Variants in LPCAT2 observed in about 807,000 individuals in gnomAD.
LPCAT2 encodes the protein lysophosphatidylcholine acyltransferase 2, also known as 1-AGP acyltransferase 11.
In LPCAT2, 58 loss-of-function variants were observed where a neutral mutation model predicts 64.7. The observed-to-expected ratio is 0.90, with a 90% confidence interval of 0.73 to 1.12. LPCAT2 has a LOEUF of 1.12. LPCAT2 is among the 50% of genes most tolerant of loss of function. The pLI is 0.00. For missense variants in LPCAT2, 579 were observed against 669.8 expected (o/e 0.86, Z 1.50); for synonymous variants, 252 against 245.3 (o/e 1.03, Z -0.26).
rs952779403 is a variant in LPCAT2 at position 55,552,897 on chromosome 16, C to T, written c.1215+1795C>T. Among the ~76,000 whole-genome samples, 4 of 152,292 alleles carry T rather than the reference C, an allele frequency of 2.6e-5. No individual in the cohort carries two copies. The South Asian group carries it at 6.2e-4, about 24-fold the overall frequency. On this transcript the variant is annotated intron_variant, in intron 11 of 13. Coordinates refer to ENST00000262134, the MANE Select transcript of LPCAT2 (RefSeq NM_017839.5). Reference sequence around the variant, plus strand: ...GTTGTGGCACTTTAAAAAAATAAGACAACAATGAAGTTTGCTGCATTGATA... The same window carrying T: ...GTTGTGGCACTTTAAAAAAATAAGATAACAATGAAGTTTGCTGCATTGATA...
Position 55,547,073 on chromosome 16 carries a change from G to A in LPCAT2, c.935+1256G>A, listed in dbSNP as rs1036703619. ...GAGGCAGGAGAATTGCTGGAACCTGGGAGGCAGAGGTTGCAGTCAGCCAAG... is the reference window on the plus strand; with the variant it reads ...GAGGCAGGAGAATTGCTGGAACCTGAGAGGCAGAGGTTGCAGTCAGCCAAG... On this transcript the variant is annotated intron_variant, in intron 9 of 13. Coordinates refer to ENST00000262134, the MANE Select transcript of LPCAT2 (RefSeq NM_017839.5). Among the ~76,000 whole-genome samples, 16 of 152,104 alleles carry A rather than the reference G, an allele frequency of 1.1e-4. No individual in the cohort carries two copies. In the South Asian group the frequency reaches 3.1e-3, roughly 30 times the overall value.
intron 11 of LPCAT2, chr16:55,566,597 A>G: frequency 1.4e-6 from 1 of 722,404 alleles, no homozygotes; most frequent in Non-Finnish European, 2.2e-6. Flanking sequence ...GAACTCAGGT[A>G]TCTTCAGTAG....
intron 8 of LPCAT2, chr16:55,538,979 G>A (rs1487882664): frequency 6.6e-6 from 1 of 151,922 alleles, no homozygotes; most frequent in Admixed American, 6.6e-5. Flanking sequence ...AGGTAGTCTA[G>A]GCCTGTTTCA....
At position 55,586,625 on chromosome 16, in the gene LPCAT2, T is replaced by C. The variant is rs1179083405; in HGVS notation, c.*3527T>C. 3.9e-5 allele frequency: 6 copies of C among 152,288 alleles called. No homozygotes were observed. Among genetic ancestry groups the C allele is most frequent in the Admixed American group, 2.0e-4 (3 of 15,282 alleles). 9.4% of individuals were successfully genotyped at this position (152,288 alleles called of 1,614,324 possible). On this transcript the variant is annotated 3_prime_UTR_variant, in exon 14 of 14. Transcript: ENST00000262134. ...TTTTTTGGAAATCTGTAACAAGCTA[T>C]GTGTAATCATTCTTCTAATATTAAA...
intron 1 of LPCAT2, among the ~76,000 whole-genome samples, chr16:55,518,541 T>C (rs1204393655): frequency 6.6e-6 from 1 of 152,188 alleles, no homozygotes; most frequent in African/African-American, 2.4e-5. Context: ...ACTGTGAAGC[T>C]ACAGTAATCA....
chr16:55,580,424 T>C (rs546947301), intron 13 of LPCAT2, among the ~76,000 whole-genome samples: 2 of 152,316 alleles, frequency 1.3e-5, no homozygotes, highest in East Asian at 3.9e-4. Flanking sequence ...TGGAAGCTAA[T>C]ACTAAAAATG....
intron 11 of LPCAT2, among the ~76,000 whole-genome samples, chr16:55,562,779 A>C (rs1963650650): frequency 6.6e-6 from 1 of 151,616 alleles, no homozygotes; most frequent in South Asian, 2.1e-4. Flanking sequence ...CGAAATTGAG[A>C]CCCCCAAATG....
chr16:55,581,388 T>C (rs553280243), intron 13 of LPCAT2, among the ~76,000 whole-genome samples: 21 of 152,322 alleles, frequency 1.4e-4, no homozygotes, highest in African/African-American at 5.0e-4. Flanking sequence ...GATTTAGAAA[T>C]AAAAAGTGGT....
chr16:55,555,937 C>T (rs1963569760), intron 11 of LPCAT2, among the ~76,000 whole-genome samples: 1 of 152,190 alleles, frequency 6.6e-6, no homozygotes, highest in Admixed American at 6.5e-5. Flanking sequence ...GCCTCAGCCT[C>T]CCAAGTAGCT....
At chr16:55,534,285 A>ACT (rs1963295547) in intron 6 of LPCAT2, among the ~76,000 whole-genome samples, 158 bp from the exon 7 acceptor site, 1 of 152,144 alleles carries the variant, frequency 6.6e-6, no homozygotes, top group Non-Finnish European at 1.5e-5. Context: ...TTCATAGATC[A>ACT]GTTCACTGTT....
chr16:55,527,811 T>C (rs1218932991), intron 2 of LPCAT2, among the ~76,000 whole-genome samples: 1 of 152,230 alleles, frequency 6.6e-6, no homozygotes, highest in East Asian at 1.9e-4. Context: ...GTTGATGATA[T>C]CTAAAAACTG....
chr16:55,529,315 T>A (rs898723599), intron 3 of LPCAT2, among the ~76,000 whole-genome samples: 2 of 152,042 alleles, frequency 1.3e-5, no homozygotes, highest in African/African-American at 4.8e-5. Flanking sequence ...ATTTTTTTTT[T>A]AATGTAACTA....
At position 55,579,225 on chromosome 16, in the gene LPCAT2, A is replaced by T. The variant is rs747796212; in HGVS notation, c.1431A>T (p.Gln477His). 6.2e-7 allele frequency: 1 copy of T among 1,612,994 alleles called. No individual in the cohort carries two copies. Among genetic ancestry groups the T allele is most frequent in the Non-Finnish European group, 8.5e-7 (1 of 1,179,430 alleles). The change falls in exon 13 of 14, where the codon CAA becomes CAT. Residue 477 changes from glutamine to histidine, a missense_variant. Physicochemically the swap from Gln to His is conservative, Grantham distance 24. Transcript: ENST00000262134. ...CTGGTCTCTTCAAGGAAATAGCCCA[A>T]GGGGACTCAATTTCCTATGGTGAGT... is the stretch of plus-strand genomic sequence containing the variant. Reference protein sequence around the residue: ...DVSGLFKEIAQGDSISYEEFK... With the variant: ...DVSGLFKEIAHGDSISYEEFK...
chr16:55,561,495 C>A (rs1427136025), intron 11 of LPCAT2, among the ~76,000 whole-genome samples: 1 of 151,042 alleles, frequency 6.6e-6, no homozygotes, highest in Non-Finnish European at 1.5e-5. Flanking sequence ...GCTTGTTAAT[C>A]TAATAATAGT....
At chr16:55,578,364 C>T (rs542607545) in intron 12 of LPCAT2, among the ~76,000 whole-genome samples, 65 of 152,238 alleles carry the variant, frequency 4.3e-4, no homozygotes, top group African/African-American at 1.2e-3. Flanking sequence ...TCTCATTTGG[C>T]GCTTGTTCTG....
chr16:55,572,299 G>T (rs1157055878), intron 11 of LPCAT2, among the ~76,000 whole-genome samples: 1 of 152,104 alleles, frequency 6.6e-6, no homozygotes, highest in Non-Finnish European at 1.5e-5. Context: ...TCACAATAAA[G>T]ATACAACATA....
At chr16:55,555,553 G>A (rs1501997) in intron 11 of LPCAT2, among the ~76,000 whole-genome samples, 13,267 of 152,160 alleles carry the variant, frequency 0.087, 822 homozygotes, top group African/African-American at 0.17. Flanking sequence ...TTTGATGACC[G>A]AAATAACCAG....
At chr16:55,521,957 A>G (rs184910687) in intron 1 of LPCAT2, among the ~76,000 whole-genome samples, 1 of 151,872 alleles carries the variant, frequency 6.6e-6, no homozygotes, top group East Asian at 1.9e-4. Context: ...CTTGTTCACC[A>G]CTTCTGTTCA....
At chr16:55,537,038 C>T (rs2142387399) in intron 7 of LPCAT2, among the ~76,000 whole-genome samples, 1 of 152,010 alleles carries the variant, frequency 6.6e-6, no homozygotes, top group South Asian at 2.1e-4. Context: ...TAATGATCTA[C>T]CTAGGAGTTT....
Sources: gnomAD v4.1 joint callset for allele counts (sites outside exome capture counted in the v4.1 genomes callset) on GRCh38, gnomAD v4.1.1 for gene constraint, MANE v1.5 for transcripts, NCBI Gene and HGNC (gene_info 2026-07-23, HGNC 2026-07-21) for gene names.